Variants in CYP7B1 observed in about 807,000 individuals in gnomAD.
CYP7B1 encodes the protein cytochrome P450 7B1.
CYP7B1 carries 29 observed loss-of-function variants against 42.7 expected under a neutral mutation model. The observed-to-expected ratio is 0.68, with a 90% CI of 0.51 to 0.93. The LOEUF is 0.93. CYP7B1 is among the 40% of genes least tolerant of loss of function. CYP7B1 has a pLI of 0.00. For missense variants in CYP7B1, 655 were observed against 600.5 expected, an observed-to-expected ratio of 1.09 and a Z score of -0.95; for synonymous variants, 235 against 218.2, an observed-to-expected ratio of 1.08 and a Z score of -0.68.
chr8:64,650,096 C>A (rs1010995764), intron 1 of CYP7B1, among the ~76,000 whole-genome samples: 1 of 151,924 alleles, frequency 6.6e-6, no homozygotes, highest in Admixed American at 6.6e-5. Flanking sequence ...GTTGCCTGTG[C>A]CTGTGCATAT....
At chr8:64,699,160 C>T (rs1221141498) in intron 1 of CYP7B1, among the ~76,000 whole-genome samples, 2 of 152,080 alleles carry the variant, frequency 1.3e-5, no homozygotes, top group Non-Finnish European at 2.9e-5. Flanking sequence ...TGATGTCCAG[C>T]ACTTGTCAAA....
At chr8:64,713,334 A>C (rs1396135130) in intron 1 of CYP7B1, among the ~76,000 whole-genome samples, 2 of 151,492 alleles carry the variant, frequency 1.3e-5, no homozygotes, top group Non-Finnish European at 2.9e-5. Context: ...TGCAATAAAA[A>C]GTTATCAGGC....
intron 1 of CYP7B1, among the ~76,000 whole-genome samples, chr8:64,731,866 T>A (rs996466843): frequency 2.0e-5 from 3 of 152,188 alleles, no homozygotes; most frequent in Non-Finnish European, 2.9e-5. Context: ...TCAGAGGGTG[T>A]AAGCCCCAAG....
At chr8:64,750,912 C>T (rs1015748255) in intron 1 of CYP7B1, among the ~76,000 whole-genome samples, 2 of 152,138 alleles carry the variant, frequency 1.3e-5, no homozygotes, top group African/African-American at 2.4e-5. Flanking sequence ...CTACCTGTCC[C>T]GCTGTACGCT....
intron 1 of CYP7B1, among the ~76,000 whole-genome samples, chr8:64,726,706 A>T (rs1807330149): frequency 6.6e-6 from 1 of 152,246 alleles, no homozygotes; most frequent in Non-Finnish European, 1.5e-5. Flanking sequence ...ACAGATAACC[A>T]TCACTATTAT....
At chr8:64,627,382 C>A (rs973758343) in intron 1 of CYP7B1, among the ~76,000 whole-genome samples, 21 of 152,188 alleles carry the variant, frequency 1.4e-4, no homozygotes, top group African/African-American at 4.8e-4. Context: ...AGCTCACATG[C>A]TATCAATGAC....
chr8:64,701,041 T>C (rs1806908683), intron 1 of CYP7B1, among the ~76,000 whole-genome samples: 2 of 152,060 alleles, frequency 1.3e-5, no homozygotes, highest in South Asian at 4.2e-4. Context: ...GAAGCTCCAG[T>C]AATTATTTTA....
chr8:64,733,074 T>G (rs999062438), intron 1 of CYP7B1: 2 of 155,676 alleles, frequency 1.3e-5, no homozygotes, highest in African/African-American at 4.8e-5. Context: ...AAGAGTCATA[T>G]TTTTGTCATA....
Position 64,673,699 on chromosome 8 carries a change from T to C in CYP7B1, c.123-49160A>G, listed in dbSNP as rs185629071. Among the ~76,000 whole-genome samples the C allele has an allele frequency of 9.2e-5, 14 of 152,204 alleles. No homozygotes were observed. The East Asian group carries it at 2.1e-3, about 23-fold the overall frequency. The stretch of plus-strand genomic sequence containing the variant: ...GCTCTGAGTAAGATATTAGCCACCA[T>C]TGAGTTCTTAACCATAATAAACGGG... On this transcript the variant is annotated intron_variant, in intron 1 of 5. Transcript: ENST00000310193.
At chr8:64,614,889 T>A (rs1805410216) in intron 4 of CYP7B1, 137 bp downstream of exon 4, 1 of 799,224 alleles carries the variant, frequency 1.3e-6, no homozygotes, top group African/African-American at 1.7e-5. Context: ...ACTACATAAT[T>A]TATAATTGAT....
chr8:64,590,818 T>G (rs900923835), downstream of CYP7B1, among the ~76,000 whole-genome samples: 2 of 152,176 alleles, frequency 1.3e-5, no homozygotes, highest in African/African-American at 4.8e-5. Context: ...AACATATTCC[T>G]AGTAGGACAA....
At chr8:64,714,398 C>T (rs541676875) in intron 1 of CYP7B1, among the ~76,000 whole-genome samples, 10 of 152,292 alleles carry the variant, frequency 6.6e-5, no homozygotes, top group African/African-American at 1.7e-4. Context: ...CATTGTGACC[C>T]GCCATTTAAC....
chr8:64,589,340 T>G (rs1682164209), downstream of CYP7B1, among the ~76,000 whole-genome samples: 1 of 152,230 alleles, frequency 6.6e-6, no homozygotes, highest in African/African-American at 2.4e-5. Context: ...AAAAACTGTT[T>G]GTAACTTTTC....
chr8:64,643,146 C>CAT (rs373876032), intron 1 of CYP7B1, among the ~76,000 whole-genome samples: 955 of 27,336 alleles, frequency 0.035, 7 homozygotes, highest in African/African-American at 0.14. Context: ...TACATATATA[C>CAT]ATATATACAT....
chr8:64,798,549 C>T lies in CYP7B1; in HGVS notation c.39G>A (p.Ser13=). ...GGCCCGGGAGGCCCAACCGCTCCAG[C>T]GAAAAGCGGCCCGTGGCCGCGGACA... ...GEVSAATGRF[S]LERLGLPGLA... The change falls in exon 1 of 6, where the codon TCG becomes TCA. Residue 13 remains serine, a synonymous_variant. Transcript: ENST00000310193. 6.7e-7 allele frequency: 1 copy of T among 1,494,534 alleles called. No individual in the cohort carries two copies. The highest frequency in any genetic ancestry group is 8.8e-7 in the Non-Finnish European group (1 of 1,130,982). 92.6% of individuals were successfully genotyped at this position (1,494,534 alleles called of 1,614,324 possible).
At chr8:64,747,214 T>C (rs1176392584) in intron 1 of CYP7B1, among the ~76,000 whole-genome samples, 2 of 143,816 alleles carry the variant, frequency 1.4e-5, no homozygotes, top group African/African-American at 5.4e-5. Context: ...ATATATTAAA[T>C]ATAGTATTTA....
At chr8:64,706,447 C>A (rs751765026) in intron 1 of CYP7B1, among the ~76,000 whole-genome samples, 2 of 152,042 alleles carry the variant, frequency 1.3e-5, no homozygotes, top group Non-Finnish European at 2.9e-5. Flanking sequence ...TTTCTCATCT[C>A]TCTTCATTAA....
At chr8:64,673,966 A>G (rs1193477719) in intron 1 of CYP7B1, among the ~76,000 whole-genome samples, 1 of 152,098 alleles carries the variant, frequency 6.6e-6, no homozygotes, top group African/African-American at 2.4e-5. Context: ...AAAACAGCAT[A>G]AAATATCTGG....
rs1805105052 is a variant in CYP7B1, at chr8:64,595,588, C to G, written c.*1054G>C. On this transcript the variant is annotated 3_prime_UTR_variant, in exon 6 of 6. Transcript: ENST00000310193. ...ATCACTTGAGGTCAGGATTTGAGAC[C>G]AGCCTGGGCAACACAGCCAGATACT... is the stretch of plus-strand genomic sequence containing the variant. Among the ~76,000 whole-genome samples, 1 of 152,024 alleles carries G rather than the reference C, an allele frequency of 6.6e-6. No homozygotes were observed. The highest frequency in any genetic ancestry group is 2.4e-5 in the African/African-American group (1 of 41,384).
Sources: gnomAD v4.1 joint callset for allele counts (sites outside exome capture counted in the v4.1 genomes callset) on GRCh38, gnomAD v4.1.1 for gene constraint, MANE v1.5 for transcripts, NCBI Gene and HGNC (gene_info 2026-07-23, HGNC 2026-07-21) for gene names.